The following CTRB1 variants were observed in gnomAD, a reference collection of about 807,000 sequenced individuals.
CTRB1 encodes the protein chymotrypsinogen B.
A neutral mutation model predicts 20.4 loss-of-function variants in CTRB1; 15 were observed. The observed-to-expected ratio is 0.74, with a 90% confidence interval of 0.49 to 1.13. CTRB1 has a LOEUF of 1.13. Among genes scored for constraint, CTRB1 ranks in the 50% most tolerant of loss-of-function variants. The pLI, the probability that CTRB1 is intolerant of heterozygous loss-of-function variation, is 0.00. For missense variants in CTRB1, 227 were observed against 290.1 expected, an observed-to-expected ratio of 0.78 and a Z score of 1.58; for synonymous variants, 92 against 128.4, an observed-to-expected ratio of 0.72 and a Z score of 1.92.
At chr16:75,222,000 G>T (rs1056615744) in intron 1 of CTRB1, among the ~76,000 whole-genome samples, 5 of 150,346 alleles carry the variant, frequency 3.3e-5, no homozygotes, top group African/African-American at 1.2e-4. Flanking sequence ...GGCGGAGCTT[G>T]CAGTGAGCCA....
intron 1 of CTRB1, among the ~76,000 whole-genome samples, chr16:75,219,586 G>T (rs145258774): frequency 0.023 from 3,508 of 152,170 alleles, 81 homozygotes; most frequent in Middle Eastern, 0.092. Flanking sequence ...CTTTCACCAC[G>T]TTGGCCAGGC....
intron 1 of CTRB1, 47 bp from the exon 2 acceptor site, chr16:75,222,721 C>T: frequency 6.5e-7 from 1 of 1,531,090 alleles, no homozygotes; most frequent in South Asian, 1.2e-5. Flanking sequence ...AGGTGAGGCC[C>T]AGGTGGGTTT....
intron 6 of CTRB1, 63 bp from the exon 7 acceptor site, chr16:75,224,642 G>T: frequency 1.3e-6 from 2 of 1,529,600 alleles, no homozygotes; most frequent in Non-Finnish European, 8.8e-7. Flanking sequence ...ACAATGTCCA[G>T]TGGCCCCTGG....
intron 1 of CTRB1, 140 bp from the exon 2 acceptor site, chr16:75,222,628 G>T: frequency 1.2e-6 from 1 of 867,814 alleles, no homozygotes; most frequent in Non-Finnish European, 1.7e-6. Flanking sequence ...TTGGGGACCA[G>T]GGAGGCGGAG....
intron 1 of CTRB1, chr16:75,222,499 C>G: frequency 1.9e-6 from 1 of 538,728 alleles, no homozygotes. Context: ...ACAGCCCGGC[C>G]TGTTTTCTGC....
rs146202391 is a variant in CTRB1, at chr16:75,221,423, G to A, written c.53-1345G>A. 8.5e-5 allele frequency among the ~76,000 whole-genome samples: 13 copies of A among 152,210 alleles called. No individual in the cohort carries two copies. In the South Asian group the frequency reaches 2.3e-3, roughly 27 times the overall value. On this transcript the variant is annotated intron_variant, in intron 1 of 6. Transcript: ENST00000361017. ...CACCCAGGCTGGAGTGCAGTGGCAC[G>A]ATCTCAGCTTACTGCAACCTCTGTC...
At position 75,224,895 on chromosome 16, in the gene CTRB1, C is replaced by A. The variant is rs750934756; in HGVS notation, c.*29C>A. The A allele has an allele frequency of 3.4e-5, 54 of 1,611,120 alleles. No individual in the cohort carries two copies. Among genetic ancestry groups the A allele is most frequent in the Non-Finnish European group, 4.6e-5 (54 of 1,179,604 alleles). On this transcript the variant is annotated 3_prime_UTR_variant, in exon 7 of 7. Coordinates refer to ENST00000361017, the MANE Select transcript of CTRB1 (RefSeq NM_001906.6). The stretch of plus-strand genomic sequence containing the variant: ...CGCGGCTCCCTCCGACCCTGCTCCC[C>A]ACAGAGCCTCAGTAAACCCATGGAA...
chr16:75,222,581 A>T, intron 1 of CTRB1, 187 bp from the exon 2 acceptor site: 1 of 629,706 alleles, frequency 1.6e-6, no homozygotes. Context: ...GACTGGAGCC[A>T]GCAGGCCGAG....
intron 1 of CTRB1, among the ~76,000 whole-genome samples, chr16:75,220,487 G>T (rs767268250): frequency 1.3e-5 from 2 of 152,100 alleles, no homozygotes; most frequent in Non-Finnish European, 2.9e-5. Context: ...CCCGACCTGG[G>T]GTCTTATTAT....
At chr16:75,220,797 C>T (rs770883849) in intron 1 of CTRB1, among the ~76,000 whole-genome samples, 5 of 152,048 alleles carry the variant, frequency 3.3e-5, no homozygotes, top group Non-Finnish European at 5.9e-5. Flanking sequence ...TCACACTTGT[C>T]GCCCTGGCTG....
intron 6 of CTRB1, 104 bp downstream of exon 6, chr16:75,224,292 G>A: frequency 1.3e-6 from 2 of 1,543,220 alleles, no homozygotes; most frequent in Non-Finnish European, 1.8e-6. Flanking sequence ...ACTCCTTCCT[G>A]GGTGTCAGAG....
rs1178244688 is a variant in CTRB1, at chr16:75,224,192, A to C, written c.630+4A>C. The C allele has an allele frequency of 6.9e-6, 10 of 1,443,540 alleles. No individual in the cohort carries two copies. The highest frequency in any genetic ancestry group is 2.6e-5 in the Admixed American group (1 of 37,748). The allele number at this position is 1,443,540 out of a possible 1,614,324, so 89.4% of individuals were successfully genotyped here. On this transcript the variant is annotated splice_donor_region_variant and intron_variant, in intron 6 of 6. Transcript: ENST00000361017. Reference sequence around the variant, plus strand: ...CAGTGGCGTCTCCTCCTGCATGGTGAGGCTGGCCCTGCCCAGGCCCTGGCC... The same window carrying C: ...CAGTGGCGTCTCCTCCTGCATGGTGCGGCTGGCCCTGCCCAGGCCCTGGCC...
chr16:75,224,877 C>T lies in CTRB1; in HGVS notation c.*11C>T, dbSNP rs376104998. 1 of 1,613,122 alleles carries T rather than the reference C, an allele frequency of 6.2e-7. No homozygotes were observed. The highest frequency in any genetic ancestry group is 8.5e-7 in the Non-Finnish European group (1 of 1,179,958). On this transcript the variant is annotated 3_prime_UTR_variant, in exon 7 of 7. Transcript: ENST00000361017. ...CTGGCTGCCAACTGAGCCCGCGGCT[C>T]CCTCCGACCCTGCTCCCCACAGAGC...
intron 1 of CTRB1, among the ~76,000 whole-genome samples, chr16:75,221,730 T>TGC (rs1555530597): frequency 6.6e-6 from 1 of 151,758 alleles, no homozygotes; most frequent in Non-Finnish European, 1.5e-5. Context: ...CTCAGCATGT[T>TGC]GGGAGATCAA....
intron 1 of CTRB1, among the ~76,000 whole-genome samples, chr16:75,220,605 A>G (rs147240181): frequency 1.6e-3 from 239 of 152,210 alleles, no homozygotes; most frequent in African/African-American, 5.5e-3. Flanking sequence ...GATGTAACTA[A>G]TACTCCATTC....
At chr16:75,224,564 T>C (rs577867307) in intron 6 of CTRB1, 141 bp from the exon 7 acceptor site, 1 of 1,046,712 alleles carries the variant, frequency 9.6e-7, no homozygotes, top group Non-Finnish European at 1.4e-6. Context: ...ACTAGGGTCT[T>C]TCATAACCCA....
intron 1 of CTRB1, 90 bp from the exon 2 acceptor site, chr16:75,222,678 A>C (rs1043560768): frequency 7.1e-7 from 1 of 1,400,210 alleles, no homozygotes; most frequent in Non-Finnish European, 9.6e-7. Context: ...GCTTCAGTGG[A>C]CTGGGGTAGA....
rs753447436 is a variant in CTRB1, at chr16:75,224,916, T to G, written c.*50T>G. 1 of 1,604,292 alleles carries G rather than the reference T, an allele frequency of 6.2e-7. No individual in the cohort carries two copies. The highest frequency in any genetic ancestry group is 1.1e-5 in the South Asian group (1 of 90,688). On this transcript the variant is annotated 3_prime_UTR_variant, in exon 7 of 7. Coordinates refer to ENST00000361017, the MANE Select transcript of CTRB1 (RefSeq NM_001906.6). ...TCCCCACAGAGCCTCAGTAAACCCA[T>G]GGAACACACGTCGGCGCTGTCCGTC...
intron 6 of CTRB1, 57 bp from the exon 7 acceptor site, chr16:75,224,648 C>T (rs2076719970): frequency 6.4e-7 from 1 of 1,550,994 alleles, no homozygotes; most frequent in Non-Finnish European, 8.7e-7. Context: ...TCCAGTGGCC[C>T]CTGGGACCAG....
Sources: allele counts gnomAD v4.1 joint callset (sites outside exome capture counted in the v4.1 genomes callset), GRCh38; gene constraint gnomAD v4.1.1; transcripts MANE v1.5; gene names NCBI Gene and HGNC (gene_info 2026-07-23, HGNC 2026-07-21).